The following TMEM245 variants were observed in gnomAD, a reference collection of about 807,000 sequenced individuals.
TMEM245 encodes transmembrane protein 245.
In TMEM245, 69 loss-of-function variants were observed where a neutral mutation model predicts 101.2. That is an observed-to-expected ratio of 0.68 (90% CI 0.56 to 0.83). The LOEUF is 0.83. TMEM245 is among the 40% of genes least tolerant of loss of function. TMEM245 has a pLI of 0.00. For synonymous variants in TMEM245, 537 were observed against 449.8 expected (o/e 1.19, Z -2.45); for missense variants, 1,075 against 1,092.8 (o/e 0.98, Z 0.23).
chr9:109,116,419 C>T (rs1380899948), intron 1 of TMEM245, among the ~76,000 whole-genome samples: 1 of 152,202 alleles, frequency 6.6e-6, no homozygotes, highest in African/African-American at 2.4e-5. Context: ...GGAGGTCTCA[C>T]TATGTTGCCC....
At position 109,048,653 on chromosome 9, in the gene TMEM245, G is replaced by A. The variant is rs549496576; in HGVS notation, c.2123+1630C>T. ...AAAAATGTAGTTGAGTCTTGTTAAT[G>A]AGGAATGATGACAGGGATTACAGGA... On this transcript the variant is annotated intron_variant, in intron 14 of 17. Coordinates refer to ENST00000374586, the MANE Select transcript of TMEM245 (RefSeq NM_032012.4). 1.1e-4 allele frequency among the ~76,000 whole-genome samples: 16 copies of A among 152,298 alleles called. No individual in the cohort carries two copies. In the South Asian group the frequency reaches 2.1e-3, roughly 20 times the overall value.
In TMEM245 at chr9:109,033,513, A is replaced by T. The variant is rs1289814648; in HGVS notation, c.2400-12T>A. 1 of 1,575,774 alleles carries T rather than the reference A, an allele frequency of 6.3e-7. No homozygotes were observed. The highest frequency in any genetic ancestry group is 8.6e-7 in the Non-Finnish European group (1 of 1,162,528). On this transcript the variant is annotated splice_polypyrimidine_tract_variant and intron_variant, in intron 16 of 17. Transcript: ENST00000374586. Reference sequence around the variant, plus strand: ...AAGGATGGCCACCTCTGGAATAAAGAGCACGACCTTTAACACACAAAAACT... The same window carrying T: ...AAGGATGGCCACCTCTGGAATAAAGTGCACGACCTTTAACACACAAAAACT...
intron 17 of TMEM245, among the ~76,000 whole-genome samples, chr9:109,020,761 A>G (rs1331824016): frequency 6.6e-6 from 1 of 152,202 alleles, no homozygotes; most frequent in Non-Finnish European, 1.5e-5. Flanking sequence ...GCTTTGGTTA[A>G]TGAGATTTAA....
intron 14 of TMEM245, among the ~76,000 whole-genome samples, chr9:109,042,670 G>A (rs1828347616): frequency 6.6e-6 from 1 of 151,828 alleles, no homozygotes; most frequent in African/African-American, 2.4e-5. Flanking sequence ...TTGAGATGAA[G>A]CTCATATAAC....
In TMEM245 at chr9:109,119,890, C is replaced by G. The variant is rs147719369; in HGVS notation, c.24G>C (p.Lys8Asn). 2.5e-5 allele frequency: 32 copies of G among 1,274,180 alleles called. No individual in the cohort carries two copies. Among genetic ancestry groups the G allele is most frequent in the Non-Finnish European group, 2.9e-5 (29 of 1,015,778 alleles). 78.9% of individuals were successfully genotyped at this position (1,274,180 alleles called of 1,614,324 possible). A position where few individuals can be genotyped will look rare whatever the true frequency, so the allele number is the denominator to read the frequency against. Reference protein sequence around the residue: MADGGGPKDAPSLRSSPG... With the variant: MADGGGPNDAPSLRSSPG... The stretch of plus-strand genomic sequence containing the variant: ...GAGAGCTCCGCAGGCTTGGCGCGTC[C>G]TTAGGGCCGCCGCCGTCGGCCATCG... Residue 8 changes from lysine to asparagine, a missense_variant, in exon 1 of 18, where the codon AAG (lysine) becomes AAC (asparagine). Coordinates refer to ENST00000374586, the MANE Select transcript of TMEM245 (RefSeq NM_032012.4).
In TMEM245 at chr9:109,019,107, T is replaced by A. The variant is rs1827542821; in HGVS notation, c.*1353A>T. 6.6e-6 allele frequency: 1 copy of A among 152,038 alleles called. No homozygotes were observed. Among genetic ancestry groups the A allele is most frequent in the Non-Finnish European group, 1.5e-5 (1 of 68,066 alleles). 9.4% of individuals were successfully genotyped at this position (152,038 alleles called of 1,614,324 possible). On this transcript the variant is annotated 3_prime_UTR_variant, in exon 18 of 18. Coordinates refer to ENST00000374586, the MANE Select transcript of TMEM245 (RefSeq NM_032012.4). The stretch of plus-strand genomic sequence containing the variant: ...AGCAGAGGATAGGCCTGATGATTGT[T>A]TTAAACAGTAGAAAGGGTTCAGCTA...
rs1830430946 is a variant in TMEM245, at chr9:109,106,596, G to A, written c.711C>T (p.Gly237=). 6.2e-7 allele frequency: 1 copy of A among 1,611,356 alleles called. No homozygotes were observed. The highest frequency in any genetic ancestry group is 1.3e-5 in the African/African-American group (1 of 74,844). Residue 237 remains glycine, a synonymous_variant, in exon 3 of 18, where the codon GGC becomes GGT. Transcript: ENST00000374586. ...CCAGGAATACTGGAATTCTCCATGA[G>A]CCAGCCAGGGATGCTGCAAATTATT... is the stretch of plus-strand genomic sequence containing the variant. ...ILLFHLASLA[G]SWRIPVFLVI...
chr9:109,029,594 A>G (rs1827889152), intron 17 of TMEM245, among the ~76,000 whole-genome samples: 1 of 152,202 alleles, frequency 6.6e-6, no homozygotes, highest in South Asian at 2.1e-4. Context: ...CTCAAAATTT[A>G]CCTCCTATGC....
rs1827438970 is a variant in TMEM245, at chr9:109,016,398, G to A, written c.*4062C>T. The stretch of plus-strand genomic sequence containing the variant: ...CTGCTCAACCATGAAGAAAAGGAAA[G>A]AGAAGTAGAACAACGGACTGACAGA... On this transcript the variant is annotated 3_prime_UTR_variant, in exon 18 of 18. Coordinates refer to ENST00000374586, the MANE Select transcript of TMEM245 (RefSeq NM_032012.4). 6.6e-6 allele frequency: 1 copy of A among 151,814 alleles called. No individual in the cohort carries two copies. Among genetic ancestry groups the A allele is most frequent in the Non-Finnish European group, 1.5e-5 (1 of 67,978 alleles). 9.4% of individuals were successfully genotyped at this position (151,814 alleles called of 1,614,324 possible).
Position 109,020,369 on chromosome 9 carries a change from A to G in TMEM245, c.*91T>C, listed in dbSNP as rs1455722600. The G allele has an allele frequency of 7.7e-7, 1 of 1,291,092 alleles. No individual in the cohort carries two copies. The highest frequency in any genetic ancestry group is 1.7e-5 in the Admixed American group (1 of 59,560). 80.0% of individuals were successfully genotyped at this position (1,291,092 alleles called of 1,614,324 possible). A position where few individuals can be genotyped will look rare whatever the true frequency, so the allele number is the denominator to read the frequency against. On this transcript the variant is annotated 3_prime_UTR_variant, in exon 18 of 18. Transcript: ENST00000374586. ...GCTTCTTTCCTGGGTTTTGCTTGCT[A>G]GGCACAGCTGGAAGGGCAGAGGGCC... is the stretch of plus-strand genomic sequence containing the variant.
At position 109,119,808 on chromosome 9, in the gene TMEM245, T is replaced by A. The variant is rs1298020750; in HGVS notation, c.106A>T (p.Thr36Ser). ...AVGPSGGGGE[T>S]PRTAALALRF... is the part of the protein sequence containing the mutation. ...AGCGCCAGCGCCGCGGTCCGCGGGG[T>A]CTCCCCGCCACCGCCACTCGGCCCG... The change falls in exon 1 of 18, where the codon ACC (threonine) becomes TCC (serine). Residue 36 changes from threonine to serine, a missense_variant. By Grantham distance (58) the Thr-to-Ser change is moderately conservative (BLOSUM62 1). Coordinates refer to ENST00000374586, the MANE Select transcript of TMEM245 (RefSeq NM_032012.4). 6.9e-7 allele frequency: 1 copy of A among 1,449,752 alleles called. No individual in the cohort carries two copies. Among genetic ancestry groups the A allele is most frequent in the Non-Finnish European group, 9.1e-7 (1 of 1,103,778 alleles). The allele number at this position is 1,449,752 out of a possible 1,614,324, so 89.8% of individuals were successfully genotyped here.
At chr9:109,099,652 A>AT (rs1461314943) in intron 3 of TMEM245, among the ~76,000 whole-genome samples, 1 of 152,206 alleles carries the variant, frequency 6.6e-6, no homozygotes, top group Non-Finnish European at 1.5e-5. Flanking sequence ...AACTAAGAGT[A>AT]TTTTTAAAGA....
chr9:109,033,444 G>C lies in TMEM245; in HGVS notation c.2457C>G (p.Gly819=). The part of the protein sequence containing the change: ...LAVAGGAYYL[G]LEGAIIGPIL... ...TAGGACCGATGATTGCTCCTTCCAG[G>C]CCTAGGTAGTATGCTCCACCGGCCA... Residue 819 remains glycine (G), a synonymous_variant, in exon 17 of 18, where the codon GGC becomes GGG. Transcript: ENST00000374586. The C allele has an allele frequency of 6.2e-7, 1 of 1,613,802 alleles. No individual in the cohort carries two copies. The highest frequency in any genetic ancestry group is 8.5e-7 in the Non-Finnish European group (1 of 1,179,902).
chr9:109,105,566 T>A (rs2583376), intron 3 of TMEM245, among the ~76,000 whole-genome samples: 2 of 152,158 alleles, frequency 1.3e-5, no homozygotes, highest in Non-Finnish European at 1.5e-5. Flanking sequence ...GCAGCACTAT[T>A]CACAATAGAC....
At chr9:109,093,628 G>C in intron 3 of TMEM245, 37 bp from the exon 4 acceptor site, 1 of 1,542,666 alleles carries the variant, frequency 6.5e-7, no homozygotes, top group Non-Finnish European at 9.0e-7. Context: ...ACTCTTTAAA[G>C]TAGGAAATAA....
chr9:109,037,954 G>A (rs534286), intron 15 of TMEM245, 63 bp downstream of exon 15: 942,854 of 1,313,844 alleles, frequency 0.72, 342,228 homozygotes, highest in East Asian at 0.82. Flanking sequence ...TTTCCTAGAT[G>A]TATGTAAAAT....
At chr9:109,052,587 A>G (rs1248838183) in intron 12 of TMEM245, among the ~76,000 whole-genome samples, 1 of 152,234 alleles carries the variant, frequency 6.6e-6, no homozygotes, top group Non-Finnish European at 1.5e-5. Context: ...CAGTTTCATA[A>G]GAGAACTCCG....
At chr9:109,106,946 G>A (rs911050194) in intron 2 of TMEM245, among the ~76,000 whole-genome samples, 3 of 152,044 alleles carry the variant, frequency 2.0e-5, no homozygotes, top group African/African-American at 7.2e-5. Flanking sequence ...AGAATGACCA[G>A]AATTAGGCAT....
At chr9:109,090,789 T>C in intron 5 of TMEM245, 133 bp downstream of exon 5, 2 of 766,242 alleles carry the variant, frequency 2.6e-6, no homozygotes, top group Non-Finnish European at 2.1e-6. Context: ...TTGTTTACTA[T>C]TTAAATGCAA....
Sources: allele counts gnomAD v4.1 joint callset (sites outside exome capture counted in the v4.1 genomes callset), GRCh38; gene constraint gnomAD v4.1.1; transcripts MANE v1.5; gene names NCBI Gene and HGNC (gene_info 2026-07-23, HGNC 2026-07-21).